Variants in KIRREL3 observed in about 807,000 individuals in gnomAD.
KIRREL3 encodes kin of IRRE-like protein 3.
KIRREL3 carries 36 observed loss-of-function variants against 89.7 expected under a neutral mutation model. That is an observed-to-expected ratio of 0.40 (90% confidence interval 0.31 to 0.53). The LOEUF is 0.53. Ranked by LOEUF, KIRREL3 falls within the 20% of genes least tolerant of loss-of-function variation. KIRREL3 has a pLI of 0.49. For synonymous variants in KIRREL3, 445 were observed against 441.4 expected (o/e 1.01, Z -0.10); for missense variants, 864 against 1,056.6 (o/e 0.82, Z 2.53).
At chr11:126,539,747 A>T (rs1938205936) in intron 2 of KIRREL3, among the ~76,000 whole-genome samples, 2 of 152,172 alleles carry the variant, frequency 1.3e-5, no homozygotes, top group Non-Finnish European at 2.9e-5. Context: ...GCTGTCCCAG[A>T]TGTAGTTGGG....
At position 126,723,975 on chromosome 11, in the gene KIRREL3, A is replaced by G. The variant is rs1034512862; in HGVS notation, c.56-161063T>C. Among the ~76,000 whole-genome samples, 2 of 152,192 alleles carry G rather than the reference A, an allele frequency of 1.3e-5. No individual in the cohort carries two copies. Among genetic ancestry groups the G allele is most frequent in the Non-Finnish European group, 2.9e-5 (2 of 68,034 alleles). On this transcript the variant is annotated intron_variant, in intron 1 of 16. Coordinates refer to ENST00000525144, the MANE Select transcript of KIRREL3 (RefSeq NM_032531.4). The surrounding 1 kb of genome is among the most constrained non-coding windows in gnomAD (Gnocchi z 4.0). ...AGACCAATGATCTGATTGCTTTCAT[A>G]AGCTCCATGATGATTAAAAGAAGTG...
At position 126,568,086 on chromosome 11, in the gene KIRREL3, C is replaced by T. The variant is rs543682998; in HGVS notation, c.56-5174G>A. On this transcript the variant is annotated intron_variant, in intron 1 of 16. Coordinates refer to ENST00000525144, the MANE Select transcript of KIRREL3 (RefSeq NM_032531.4). This position sits in a 1 kb window ranked among gnomAD's most constrained non-coding sequence, Gnocchi z 4.6. ...TCAAACAAGAAACAGAAATTAATGGCAGGCAGTTTGGTGTGGCTGTAGCAG... is the reference window on the plus strand; with the variant it reads ...TCAAACAAGAAACAGAAATTAATGGTAGGCAGTTTGGTGTGGCTGTAGCAG... Among the ~76,000 whole-genome samples the T allele has an allele frequency of 7.6e-4, 115 of 152,196 alleles. No homozygotes were observed. The highest frequency in any genetic ancestry group is 2.7e-3 in the African/African-American group (112 of 41,574).
chr11:126,572,029 G>A (rs2134629488), intron 1 of KIRREL3, among the ~76,000 whole-genome samples: 1 of 152,330 alleles, frequency 6.6e-6, no homozygotes, highest in East Asian at 1.9e-4. Context: ...TGGAAGTCGT[G>A]ACTAGTGTTT....
chr11:126,804,269 A>G (rs551592104), intron 1 of KIRREL3, among the ~76,000 whole-genome samples: 1 of 152,324 alleles, frequency 6.6e-6, no homozygotes, highest in East Asian at 1.9e-4. Context: ...ACTTGCTGTC[A>G]AGAATCTCTG....
Position 126,463,398 on chromosome 11 carries a change from C to T in KIRREL3, c.592-91G>A, listed in dbSNP as rs114747459. On this transcript the variant is annotated intron_variant, in intron 5 of 16. Transcript: ENST00000525144. The surrounding 1 kb of genome is among the most constrained non-coding windows in gnomAD (Gnocchi z 5.9). ...GGGGGTAAACGAGCACCAGCTTAGA[C>T]AGAAGGGGGAGCTGTGGATGGAGGG... 1.8e-3 allele frequency: 2,356 copies of T among 1,306,600 alleles called. 45 individuals carry two copies. In the African/African-American group the frequency reaches 0.031, roughly 17 times the overall value. 80.9% of individuals were successfully genotyped at this position (1,306,600 alleles called of 1,614,324 possible).
Position 126,870,811 on chromosome 11 carries a change from C to T in KIRREL3, c.55+129644G>A, listed in dbSNP as rs2134666520. On this transcript the variant is annotated intron_variant, in intron 1 of 16. Transcript: ENST00000525144. The surrounding 1 kb of genome is among the most constrained non-coding windows in gnomAD (Gnocchi z 4.4). ...CCCCTCCCCACTTCCAGTGTAGTTC[C>T]TGCACTGCCCCTCCCCACTTCCAGT... Among the ~76,000 whole-genome samples the T allele has an allele frequency of 6.6e-6, 1 of 152,164 alleles. No individual in the cohort carries two copies. The highest frequency in any genetic ancestry group is 2.4e-5 in the African/African-American group (1 of 41,512).
At chr11:126,901,432 T>C (rs1565399576) in intron 1 of KIRREL3, among the ~76,000 whole-genome samples, 2 of 152,182 alleles carry the variant, frequency 1.3e-5, no homozygotes, top group African/African-American at 2.4e-5. Context: ...TAGTTGCTAG[T>C]CTGGAAAATC....
At position 126,584,195 on chromosome 11, in the gene KIRREL3, G is replaced by T. The variant is rs541874930; in HGVS notation, c.56-21283C>A. Among the ~76,000 whole-genome samples, 13 of 152,288 alleles carry T rather than the reference G, an allele frequency of 8.5e-5. No individual in the cohort carries two copies. In the East Asian group the frequency reaches 1.4e-3, roughly 16 times the overall value. ...TTCTGCAGGCGTGGGCTGCGTGCTT[G>T]AGAAGGAAAACAGACATCAACATAG... On this transcript the variant is annotated intron_variant, in intron 1 of 16. Transcript: ENST00000525144.
At chr11:126,907,399 A>C (rs1946630919) in intron 1 of KIRREL3, among the ~76,000 whole-genome samples, 1 of 152,222 alleles carries the variant, frequency 6.6e-6, no homozygotes, top group South Asian at 2.1e-4. Flanking sequence ...GCTGCGATAG[A>C]GAGGAAATTG....
chr11:126,850,279 G>A (rs1450736754), intron 1 of KIRREL3, among the ~76,000 whole-genome samples: 1 of 152,172 alleles, frequency 6.6e-6, no homozygotes, highest in Non-Finnish European at 1.5e-5. Flanking sequence ...TTTTCACAAG[G>A]GCAAATGCAG....
In KIRREL3 at chr11:126,897,351, T is replaced by C. The variant is rs143179641; in HGVS notation, c.55+103104A>G. Among the ~76,000 whole-genome samples, 159 of 152,226 alleles carry C rather than the reference T, an allele frequency of 1.0e-3. No homozygotes were observed. Among genetic ancestry groups the C allele is most frequent in the Middle Eastern group, 3.4e-3 (1 of 294 alleles). On this transcript the variant is annotated intron_variant, in intron 1 of 16. Transcript: ENST00000525144. This position sits in a 1 kb window ranked among gnomAD's most constrained non-coding sequence, Gnocchi z 4.2. ...TGACACAGTTTAGGACAGGCTTCCC[T>C]TTAAGGTATTTAACTTTATAGAAAA...
chr11:126,603,504 GA>G (rs1458176522), intron 1 of KIRREL3, among the ~76,000 whole-genome samples: 1 of 152,232 alleles, frequency 6.6e-6, no homozygotes, highest in African/African-American at 2.4e-5. Context: ...CAGAAGGGGA[GA>G]GGGGGCACAC....
In KIRREL3 at chr11:126,697,525, A is replaced by C. The variant is rs1947148369; in HGVS notation, c.56-134613T>G. Among the ~76,000 whole-genome samples the C allele has an allele frequency of 6.6e-6, 1 of 152,230 alleles. No homozygotes were observed. Among genetic ancestry groups the C allele is most frequent in the South Asian group, 2.1e-4 (1 of 4,832 alleles). ...AAGTCCTACGACTGTGACACAACTG[A>C]TGCTCAGTGGCTCTTTGTTTAATGA... is the stretch of plus-strand genomic sequence containing the variant. On this transcript the variant is annotated intron_variant, in intron 1 of 16. Transcript: ENST00000525144. The surrounding 1 kb of genome is among the most constrained non-coding windows in gnomAD (Gnocchi z 4.2).
chr11:126,576,362 T>C lies in KIRREL3; in HGVS notation c.56-13450A>G, dbSNP rs1191244311. ...AGTTTATTCTAATTTCATTCATTCA[T>C]TCTCATTCATTCATTCATTCATTCA... is the stretch of plus-strand genomic sequence containing the variant. On this transcript the variant is annotated intron_variant, in intron 1 of 16. Coordinates refer to ENST00000525144, the MANE Select transcript of KIRREL3 (RefSeq NM_032531.4). This position sits in a 1 kb window ranked among gnomAD's most constrained non-coding sequence, Gnocchi z 5.4. Among the ~76,000 whole-genome samples, 4 of 151,188 alleles carry C rather than the reference T, an allele frequency of 2.6e-5. No homozygotes were observed. The highest frequency in any genetic ancestry group is 2.1e-4 in the South Asian group (1 of 4,818).
chr11:126,440,627 T>G (rs1484181376), intron 10 of KIRREL3, 78 bp from the exon 11 acceptor site: 2 of 1,242,174 alleles, frequency 1.6e-6, no homozygotes, highest in East Asian at 5.1e-5. Context: ...GGTTCAGAAG[T>G]GTATTCATTA....
chr11:126,971,945 A>G (rs1028148623), intron 1 of KIRREL3, among the ~76,000 whole-genome samples: 3 of 152,206 alleles, frequency 2.0e-5, no homozygotes, highest in African/African-American at 7.2e-5. Context: ...TAGACAGATT[A>G]GTGTTTGTGA....
Position 126,605,322 on chromosome 11 carries a change from G to C in KIRREL3, c.56-42410C>G, listed in dbSNP as rs1420073006. Among the ~76,000 whole-genome samples the C allele has an allele frequency of 6.6e-6, 1 of 152,236 alleles. No individual in the cohort carries two copies. The highest frequency in any genetic ancestry group is 1.5e-5 in the Non-Finnish European group (1 of 68,034). On this transcript the variant is annotated intron_variant, in intron 1 of 16. Coordinates refer to ENST00000525144, the MANE Select transcript of KIRREL3 (RefSeq NM_032531.4). This position sits in a 1 kb window ranked among gnomAD's most constrained non-coding sequence, Gnocchi z 5.7. ...ATGTAGAGGATCAGGGTCCCAGTGA[G>C]CAGCTTCATCTTCAGGCGTCGGGAG... is the stretch of plus-strand genomic sequence containing the variant.
rs546629478 is a variant in KIRREL3 at position 126,629,988 on chromosome 11, G to C, written c.56-67076C>G. 1.6e-4 allele frequency among the ~76,000 whole-genome samples: 25 copies of C among 152,288 alleles called. 1 individual carries two copies. The highest frequency in any genetic ancestry group is 2.6e-4 in the Admixed American group (4 of 15,306). On this transcript the variant is annotated intron_variant, in intron 1 of 16. Coordinates refer to ENST00000525144, the MANE Select transcript of KIRREL3 (RefSeq NM_032531.4). ...CTGTGTATTGTCTGTTTTCTGCCAGGATCCTGATAGATTCACCTGTTCTTT... is the reference window on the plus strand; with the variant it reads ...CTGTGTATTGTCTGTTTTCTGCCAGCATCCTGATAGATTCACCTGTTCTTT...
intron 1 of KIRREL3, chr11:126,920,112 G>T (rs955787993): frequency 6.6e-6 from 1 of 152,192 alleles, no homozygotes; most frequent in African/African-American, 2.4e-5. Context: ...TTGTACAGAT[G>T]AAAGTTTTCA....
Sources: allele counts gnomAD v4.1 joint callset (sites outside exome capture counted in the v4.1 genomes callset), GRCh38; gene constraint gnomAD v4.1.1; non-coding constraint Gnocchi (gnomAD v3.1); transcripts MANE v1.5; gene names NCBI Gene and HGNC (gene_info 2026-07-23, HGNC 2026-07-21).